Variants in EYA2 observed in about 807,000 individuals in gnomAD.
The protein encoded by EYA2 is EYA transcriptional coactivator and phosphatase 2.
A neutral mutation model predicts 69.2 loss-of-function variants in EYA2; 31 were observed. The observed-to-expected ratio is 0.45, with a 90% CI of 0.34 to 0.60. The LOEUF (loss-of-function observed/expected upper bound fraction) is 0.60, where lower values mean the gene tolerates loss of function less well. Among genes scored for constraint, EYA2 ranks in the 20% least tolerant of loss-of-function variants. EYA2 has a pLI of 0.02. For synonymous variants in EYA2, 257 were observed against 279.4 expected, an observed-to-expected ratio of 0.92 and a Z score of 0.80; for missense variants, 622 against 701.2, an observed-to-expected ratio of 0.89 and a Z score of 1.28.
intron 10 of EYA2, among the ~76,000 whole-genome samples, chr20:47,149,045 C>G (rs1281524478): frequency 6.6e-6 from 1 of 151,544 alleles, no homozygotes; most frequent in Non-Finnish European, 1.5e-5. Context: ...CTACTGCACT[C>G]CAGCCTGGGC....
intron 1 of EYA2, among the ~76,000 whole-genome samples, chr20:46,915,666 C>T (rs1213038797): frequency 1.3e-5 from 2 of 152,116 alleles, no homozygotes; most frequent in African/African-American, 2.4e-5. Flanking sequence ...AATGAGTTGC[C>T]GGCATTTAAA....
intron 1 of EYA2, among the ~76,000 whole-genome samples, chr20:46,987,006 G>C (rs989751730): frequency 6.6e-6 from 1 of 152,214 alleles, no homozygotes; most frequent in African/African-American, 2.4e-5. Context: ...CTGAGATAAG[G>C]GCTTTCTTAT....
chr20:47,104,898 G>A (rs2032530586), intron 9 of EYA2, among the ~76,000 whole-genome samples: 1 of 152,154 alleles, frequency 6.6e-6, no homozygotes, highest in South Asian at 2.1e-4. Flanking sequence ...GTGCACGTCT[G>A]TAATCCCAGC....
intron 1 of EYA2, among the ~76,000 whole-genome samples, chr20:46,981,316 T>C (rs567492937): frequency 6.6e-6 from 1 of 152,338 alleles, no homozygotes; most frequent in East Asian, 1.9e-4. Context: ...CTGAGTTGCC[T>C]TGAGTTGCTT....
At chr20:46,989,773 A>G (rs1026227140) in intron 1 of EYA2, among the ~76,000 whole-genome samples, 4 of 152,230 alleles carry the variant, frequency 2.6e-5, no homozygotes, top group African/African-American at 9.6e-5. Flanking sequence ...AAGGAGGGGA[A>G]TGTTTTAATC....
At chr20:47,012,443 G>A (rs957078772) in intron 4 of EYA2, among the ~76,000 whole-genome samples, 1 of 151,918 alleles carries the variant, frequency 6.6e-6, no homozygotes, top group Non-Finnish European at 1.5e-5. Context: ...ATTCCACTGT[G>A]GACTAATATT....
chr20:46,914,120 C>A (rs1481724289), intron 1 of EYA2, among the ~76,000 whole-genome samples: 1 of 152,226 alleles, frequency 6.6e-6, no homozygotes, highest in Non-Finnish European at 1.5e-5. Context: ...CGAGACCTCT[C>A]CCTCGTTCCT....
chr20:47,164,339 T>A (rs1020263433), intron 10 of EYA2, among the ~76,000 whole-genome samples: 2 of 152,046 alleles, frequency 1.3e-5, no homozygotes, highest in African/African-American at 4.8e-5. Context: ...CCCCCAACAA[T>A]CCCCTTACAA....
intron 9 of EYA2, among the ~76,000 whole-genome samples, chr20:47,140,689 TTGTATG>T (rs2033575889): frequency 6.6e-6 from 1 of 152,220 alleles, no homozygotes; most frequent in African/African-American, 2.4e-5. Flanking sequence ...TGCCTAACCT[TTGTATG>T]CCTCCATTTT....
chr20:46,914,357 C>T (rs939101107), intron 1 of EYA2, among the ~76,000 whole-genome samples: 5 of 152,186 alleles, frequency 3.3e-5, no homozygotes, highest in Admixed American at 1.3e-4. Flanking sequence ...TCCATGGGAG[C>T]CTCAGTTTTC....
chr20:47,006,531 G>A (rs1982726402), intron 4 of EYA2, among the ~76,000 whole-genome samples: 1 of 152,166 alleles, frequency 6.6e-6, no homozygotes. Flanking sequence ...CCCACCTAGA[G>A]GGGTCCTGCT....
chr20:46,997,435 C>T (rs1166709269), intron 2 of EYA2, among the ~76,000 whole-genome samples: 1 of 152,158 alleles, frequency 6.6e-6, no homozygotes, highest in East Asian at 1.9e-4. Context: ...CCATAGGAAG[C>T]TTGGGAAGTA....
intron 1 of EYA2, among the ~76,000 whole-genome samples, chr20:46,942,025 G>T (rs1986175708): frequency 6.6e-6 from 1 of 152,098 alleles, no homozygotes; most frequent in African/African-American, 2.4e-5. Flanking sequence ...CCAAAGTGTT[G>T]AGGTCACACA....
At chr20:46,994,666 CAT>C (rs1176021899) in intron 2 of EYA2, among the ~76,000 whole-genome samples, 1 of 152,174 alleles carries the variant, frequency 6.6e-6, no homozygotes, top group African/African-American at 2.4e-5. Flanking sequence ...TGGGGAACCA[CAT>C]GTCAGCTTCA....
chr20:46,994,294 A>C (rs1381870712), intron 2 of EYA2, among the ~76,000 whole-genome samples: 2 of 152,220 alleles, frequency 1.3e-5, no homozygotes, highest in African/African-American at 4.8e-5. Flanking sequence ...CACTTGAGAA[A>C]TATTACCTAT....
rs769484018 is a variant in EYA2 at position 47,001,440 on chromosome 20, C to T, written c.122C>T (p.Ser41Leu). 50 of 1,614,016 alleles carry T rather than the reference C, an allele frequency of 3.1e-5. No individual in the cohort carries two copies. The highest frequency in any genetic ancestry group is 1.6e-4 in the Middle Eastern group (1 of 6,084). Residue 41 changes from serine to leucine, a missense_variant, in exon 3 of 16, where the codon TCG becomes TTG. Ser to Leu is a moderately radical substitution (Grantham distance 145). Coordinates refer to ENST00000327619, the MANE Select transcript of EYA2 (RefSeq NM_005244.5). Reference sequence around the variant, plus strand: ...TTTTCTCCTGCAGGCATCACCAAATCGGCCCCCCTGAGAGTGTCCCAGCTC... The same window carrying T: ...TTTTCTCCTGCAGGCATCACCAAATTGGCCCCCCTGAGAGTGTCCCAGCTC... The part of the protein sequence containing the change: ...TLSDRQGITK[S>L]APLRVSQLFS...
chr20:47,023,632 GT>G (rs60939329), intron 5 of EYA2, among the ~76,000 whole-genome samples: 1,005 of 90,018 alleles, frequency 0.011, 4 homozygotes, highest in African/African-American at 0.038. Context: ...GATTTTGGGT[GT>G]TTTTTTTTTT....
chr20:47,039,226 T>A (rs1984901950), intron 5 of EYA2, among the ~76,000 whole-genome samples: 1 of 152,258 alleles, frequency 6.6e-6, no homozygotes, highest in Non-Finnish European at 1.5e-5. Flanking sequence ...GCCTGCTGTC[T>A]GTTTTTGTAC....
At chr20:47,083,597 G>T (rs1052530304) in intron 7 of EYA2, among the ~76,000 whole-genome samples, 2 of 132,894 alleles carry the variant, frequency 1.5e-5, no homozygotes, top group African/African-American at 2.6e-5. Flanking sequence ...AAAAAAAATC[G>T]TGGAACAACT....
Sources: allele counts gnomAD v4.1 joint callset (sites outside exome capture counted in the v4.1 genomes callset), GRCh38; gene constraint gnomAD v4.1.1; transcripts MANE v1.5; gene names NCBI Gene and HGNC (gene_info 2026-07-23, HGNC 2026-07-21).